CLIC4: variants seen among roughly 807,000 people sequenced by gnomAD.
CLIC4 encodes CLIC family member 4.
A neutral mutation model predicts 24.6 loss-of-function variants in CLIC4; 13 were observed. The ratio of observed to expected loss-of-function variants is 0.53; its 90% CI spans 0.34 to 0.84. CLIC4 has a LOEUF of 0.84. CLIC4 is among the 40% of genes least tolerant of loss of function. The pLI is 0.01. For synonymous variants in CLIC4, 104 were observed against 111.3 expected (o/e 0.93, Z 0.41); for missense variants, 227 against 301.7 (o/e 0.75, Z 1.83).
intron 4 of CLIC4, among the ~76,000 whole-genome samples, chr1:24,830,717 T>A (rs1296574104): frequency 6.6e-6 from 1 of 152,228 alleles, no homozygotes; most frequent in Non-Finnish European, 1.5e-5. Flanking sequence ...TAATTACTTT[T>A]AAACTGATTT....
chr1:24,824,398 G>A (rs781710692), intron 3 of CLIC4, among the ~76,000 whole-genome samples: 2 of 152,158 alleles, frequency 1.3e-5, no homozygotes, highest in Admixed American at 6.5e-5. Flanking sequence ...CTCCTGAGAA[G>A]CTGGGATTAC....
At chr1:24,779,757 C>G (rs1639181267) in intron 1 of CLIC4, among the ~76,000 whole-genome samples, 1 of 152,180 alleles carries the variant, frequency 6.6e-6, no homozygotes, top group Non-Finnish European at 1.5e-5. Context: ...CACATCCAAA[C>G]CATCCACGCG....
intron 1 of CLIC4, among the ~76,000 whole-genome samples, chr1:24,794,997 T>A (rs1351118597): frequency 6.6e-6 from 1 of 152,136 alleles, no homozygotes; most frequent in Non-Finnish European, 1.5e-5. Flanking sequence ...AATCAGATGG[T>A]TATAGGTGTG....
Position 24,844,314 on chromosome 1 carries a change from G to A in CLIC4, c.*3377G>A, listed in dbSNP as rs761194813. 1 of 152,442 alleles carries A rather than the reference G, an allele frequency of 6.6e-6. No individual in the cohort carries two copies. The highest frequency in any genetic ancestry group is 1.5e-5 in the Non-Finnish European group (1 of 68,000). 9.4% of individuals were successfully genotyped at this position (152,442 alleles called of 1,614,324 possible). A position where few individuals can be genotyped will look rare whatever the true frequency, so the allele number is the denominator to read the frequency against. ...CCTCATGAAAATAAACAACAACTTG[G>A]GGTAAAAGTGTTTGAGACTACTATT... On this transcript the variant is annotated 3_prime_UTR_variant, in exon 6 of 6. Coordinates refer to ENST00000374379, the MANE Select transcript of CLIC4 (RefSeq NM_013943.3).
intron 2 of CLIC4, among the ~76,000 whole-genome samples, chr1:24,807,875 T>C (rs1639569529): frequency 6.6e-6 from 1 of 152,224 alleles, no homozygotes; most frequent in Non-Finnish European, 1.5e-5. Context: ...TGTTAATGGA[T>C]ATGTTTTATG....
intron 1 of CLIC4, among the ~76,000 whole-genome samples, chr1:24,764,499 C>G (rs933283408): frequency 4.6e-5 from 7 of 151,872 alleles, no homozygotes; most frequent in African/African-American, 1.7e-4. Flanking sequence ...ACAAAAAATG[C>G]AAAAATTAGC....
chr1:24,839,331 G>A (rs1357642095), intron 4 of CLIC4, among the ~76,000 whole-genome samples: 5 of 152,140 alleles, frequency 3.3e-5, no homozygotes, highest in Non-Finnish European at 7.4e-5. Flanking sequence ...ACAGAGTCTC[G>A]CTCTTTCGCC....
intron 4 of CLIC4, among the ~76,000 whole-genome samples, chr1:24,831,165 T>G (rs1165329691): frequency 6.6e-6 from 1 of 152,218 alleles, no homozygotes; most frequent in Non-Finnish European, 1.5e-5. Flanking sequence ...AGTGCTTTGC[T>G]AAGTACAAAA....
intron 1 of CLIC4, among the ~76,000 whole-genome samples, chr1:24,792,142 ATATG>A (rs1245359188): frequency 2.7e-5 from 4 of 150,876 alleles, no homozygotes; most frequent in Non-Finnish European, 5.9e-5. Context: ...GTGTGTATAT[ATATG>A]TATTTATATG....
At chr1:24,793,611 C>T (rs1639364616) in intron 1 of CLIC4, among the ~76,000 whole-genome samples, 1 of 151,984 alleles carries the variant, frequency 6.6e-6, no homozygotes, top group Non-Finnish European at 1.5e-5. Flanking sequence ...TTAGGAAGTA[C>T]ATTTTTGTAC....
intron 1 of CLIC4, among the ~76,000 whole-genome samples, chr1:24,795,206 A>C (rs1380567187): frequency 6.6e-6 from 1 of 152,202 alleles, no homozygotes; most frequent in South Asian, 2.1e-4. Context: ...CAATAGCAAC[A>C]ACCACCTTGG....
chr1:24,837,338 C>T (rs1639896292), intron 4 of CLIC4, among the ~76,000 whole-genome samples: 1 of 152,046 alleles, frequency 6.6e-6, no homozygotes, highest in Admixed American at 6.5e-5. Context: ...ACAGAAAGTA[C>T]AGTGTAACAA....
chr1:24,763,383 T>C (rs1638951671), intron 1 of CLIC4, among the ~76,000 whole-genome samples: 1 of 151,686 alleles, frequency 6.6e-6, no homozygotes. Context: ...CTACTAAAAA[T>C]ACAAAAATTA....
At chr1:24,800,671 CTG>C (rs1289769190) in intron 2 of CLIC4, among the ~76,000 whole-genome samples, 1 of 152,176 alleles carries the variant, frequency 6.6e-6, no homozygotes, top group Admixed American at 6.5e-5. Context: ...GTTGCCGTGT[CTG>C]TGTAGAAAGA....
At position 24,841,193 on chromosome 1, in the gene CLIC4, A is replaced by G. The variant is rs1305598484; in HGVS notation, c.*256A>G. ...CTTTAATTTGGAGACACTCCACCAC[A>G]AACTTTTCACTTTAGAGGTAGCTTG... On this transcript the variant is annotated 3_prime_UTR_variant, in exon 6 of 6. Coordinates refer to ENST00000374379, the MANE Select transcript of CLIC4 (RefSeq NM_013943.3). 1.2e-5 allele frequency: 3 copies of G among 252,522 alleles called. No homozygotes were observed. The highest frequency in any genetic ancestry group is 2.2e-5 in the Non-Finnish European group (3 of 133,378). The allele number at this position is 252,522 out of a possible 1,614,324, so 15.6% of individuals were successfully genotyped here.
rs1162900460 is a variant in CLIC4 at position 24,828,484 on chromosome 1, C to CT, written c.415+1369dup. Among the ~76,000 whole-genome samples the CT allele has an allele frequency of 8.8e-5, 13 of 148,164 alleles. No homozygotes were observed. The South Asian group carries it at 2.2e-3, about 25-fold the overall frequency. ...TTTTCTGTTCTGCGCTTCATGCGAG[C>CT]TAACTGTTCTTTTCATAAAACTACC... is the stretch of plus-strand genomic sequence containing the variant. On this transcript the variant is annotated intron_variant, in intron 4 of 5. Coordinates refer to ENST00000374379, the MANE Select transcript of CLIC4 (RefSeq NM_013943.3).
intron 1 of CLIC4, among the ~76,000 whole-genome samples, chr1:24,796,550 C>G (rs1639405184): frequency 6.6e-6 from 1 of 152,134 alleles, no homozygotes; most frequent in Non-Finnish European, 1.5e-5. Context: ...CAGATACTTA[C>G]CATTATATTC....
At chr1:24,793,860 G>C (rs1167479726) in intron 1 of CLIC4, among the ~76,000 whole-genome samples, 1 of 152,086 alleles carries the variant, frequency 6.6e-6, no homozygotes, top group East Asian at 1.9e-4. Flanking sequence ...ACTTTTTACT[G>C]ATGTGGCATT....
intron 2 of CLIC4, among the ~76,000 whole-genome samples, chr1:24,803,692 A>AATAT (rs1639516263): frequency 6.6e-6 from 1 of 152,226 alleles, no homozygotes; most frequent in Non-Finnish European, 1.5e-5. Context: ...AGCTTCAGAT[A>AATAT]ATATAAGTGA....
Sources: allele counts gnomAD v4.1 joint callset (sites outside exome capture counted in the v4.1 genomes callset), GRCh38; gene constraint gnomAD v4.1.1; transcripts MANE v1.5; gene names NCBI Gene and HGNC (gene_info 2026-07-23, HGNC 2026-07-21).